CDK14: variants seen among roughly 807,000 people sequenced by gnomAD.
The protein encoded by CDK14 is cyclin-dependent kinase 14.
Under a neutral mutation model 60.7 loss-of-function variants are expected in CDK14, and 34 were observed. That is an observed-to-expected ratio of 0.56 (90% confidence interval 0.43 to 0.75). The LOEUF is 0.75. Ranked by LOEUF, CDK14 falls within the 30% of genes least tolerant of loss-of-function variation. CDK14 has a pLI of 0.00. For missense variants in CDK14, 482 were observed against 564.1 expected, an observed-to-expected ratio of 0.85 and a Z score of 1.47; for synonymous variants, 197 against 203.7, an observed-to-expected ratio of 0.97 and a Z score of 0.28.
intron 2 of CDK14, among the ~76,000 whole-genome samples, chr7:90,614,756 GTTTTA>G (rs1462342603): frequency 6.6e-6 from 1 of 151,880 alleles, no homozygotes; most frequent in Non-Finnish European, 1.5e-5. Context: ...CTGTCTTTTA[GTTTTA>G]TTTTATTAAC....
chr7:90,873,667 T>TA (rs1285089788), intron 6 of CDK14, among the ~76,000 whole-genome samples: 5 of 152,194 alleles, frequency 3.3e-5, no homozygotes, highest in Admixed American at 6.5e-5. Flanking sequence ...CCAGGTTTCT[T>TA]ATGAAAAAAC....
At chr7:90,729,035 GA>G (rs999685864) in intron 3 of CDK14, among the ~76,000 whole-genome samples, 11 of 150,474 alleles carry the variant, frequency 7.3e-5, no homozygotes, top group African/African-American at 2.5e-4. Flanking sequence ...ACTTTCTCAT[GA>G]TTTTTTTTTT....
At chr7:91,003,535 T>C (rs1795898471) in intron 10 of CDK14, among the ~76,000 whole-genome samples, 1 of 152,226 alleles carries the variant, frequency 6.6e-6, no homozygotes, top group South Asian at 2.1e-4. Flanking sequence ...CTGTGCTGCA[T>C]GAAGTCCTTC....
At chr7:90,708,628 G>T (rs545203944) in intron 2 of CDK14, among the ~76,000 whole-genome samples, 2 of 152,250 alleles carry the variant, frequency 1.3e-5, no homozygotes, top group South Asian at 4.1e-4. Context: ...AAGAAGAGAT[G>T]ATTCATTTAA....
chr7:90,819,657 G>A (rs1789474492), intron 5 of CDK14, among the ~76,000 whole-genome samples: 1 of 152,092 alleles, frequency 6.6e-6, no homozygotes, highest in South Asian at 2.1e-4. Context: ...ATATATTAAT[G>A]TAGAAAACCA....
Position 90,816,086 on chromosome 7 carries a change from A to T in CDK14, c.544+25434A>T, listed in dbSNP as rs566131836. ...GTATCCCAGAACTTAAAATTTTTTT[A>T]AAAAAAGGGCCATAGTGGTTTCTGA... On this transcript the variant is annotated intron_variant, in intron 5 of 14. Coordinates refer to ENST00000380050, the MANE Select transcript of CDK14 (RefSeq NM_001287135.2). 3.7e-3 allele frequency among the ~76,000 whole-genome samples: 556 copies of T among 152,216 alleles called. 4 individuals are homozygous for T. Among genetic ancestry groups the T allele is most frequent in the African/African-American group, 0.012 (515 of 41,536 alleles).
chr7:90,870,857 G>T (rs768198796), intron 6 of CDK14, among the ~76,000 whole-genome samples: 2 of 152,126 alleles, frequency 1.3e-5, no homozygotes, highest in Non-Finnish European at 2.9e-5. Context: ...AGACATTAGG[G>T]TCTAATGATC....
At chr7:90,631,324 T>G (rs1799992724) in intron 2 of CDK14, among the ~76,000 whole-genome samples, 1 of 152,198 alleles carries the variant, frequency 6.6e-6, no homozygotes, top group Non-Finnish European at 1.5e-5. Flanking sequence ...ACTGTCCACC[T>G]GAGACCCACC....
chr7:90,648,435 TC>T (rs1239792304), intron 2 of CDK14, among the ~76,000 whole-genome samples: 2 of 152,262 alleles, frequency 1.3e-5, no homozygotes, highest in Non-Finnish European at 2.9e-5. Flanking sequence ...TTCTGTAATA[TC>T]CTATTGCAGG....
At chr7:90,876,788 C>T (rs17397469) in intron 6 of CDK14, among the ~76,000 whole-genome samples, 17,501 of 152,160 alleles carry the variant, frequency 0.12, 1,247 homozygotes, top group Non-Finnish European at 0.17. Flanking sequence ...TTAAAGCGTG[C>T]CATTATGTAA....
At chr7:91,120,078 A>C (rs1021661174) in intron 14 of CDK14, among the ~76,000 whole-genome samples, 1 of 152,170 alleles carries the variant, frequency 6.6e-6, no homozygotes, top group Non-Finnish European at 1.5e-5. Context: ...AAATCCCTTC[A>C]CCAATTCAGT....
intron 14 of CDK14, among the ~76,000 whole-genome samples, chr7:91,132,008 G>C (rs555037924): frequency 6.6e-6 from 1 of 152,002 alleles, no homozygotes; most frequent in South Asian, 2.1e-4. Flanking sequence ...TTTGTTGGTT[G>C]GTTGGTTGGT....
chr7:90,999,997 T>C (rs1795797271), intron 10 of CDK14, among the ~76,000 whole-genome samples: 1 of 152,258 alleles, frequency 6.6e-6, no homozygotes. Context: ...TTTCGTCTTC[T>C]CTAGAGATGT....
At chr7:90,773,940 G>C (rs1300145885) in intron 4 of CDK14, among the ~76,000 whole-genome samples, 37 of 112,810 alleles carry the variant, frequency 3.3e-4, no homozygotes, top group African/African-American at 1.2e-3. Context: ...GTCTTGCTCT[G>C]TTGCCCAGGT....
Position 91,192,802 on chromosome 7 carries a change from G to A in CDK14, c.*29-14363G>A, listed in dbSNP as rs553223659. On this transcript the variant is annotated intron_variant, in intron 14 of 14. Coordinates refer to ENST00000380050, the MANE Select transcript of CDK14 (RefSeq NM_001287135.2). ...TAATAGAGAAGAAAAAGAATGGAAA[G>A]TGAGGGATTGTATTTAGGAAAGAAA... Among the ~76,000 whole-genome samples, 236 of 152,250 alleles carry A rather than the reference G, an allele frequency of 1.6e-3. 1 individual carries two copies. Among genetic ancestry groups the A allele is most frequent in the African/African-American group, 5.5e-3 (227 of 41,556 alleles).
chr7:90,835,658 C>T (rs1490076094), intron 5 of CDK14, among the ~76,000 whole-genome samples: 3 of 152,176 alleles, frequency 2.0e-5, no homozygotes, highest in Admixed American at 6.5e-5. Context: ...TCCTCTCTCA[C>T]TTCCTTCCAA....
chr7:90,730,183 A>G (rs1802806685), intron 3 of CDK14, among the ~76,000 whole-genome samples: 1 of 152,056 alleles, frequency 6.6e-6, no homozygotes, highest in Admixed American at 6.5e-5. Flanking sequence ...GAGGACATGA[A>G]CTCATCCTTT....
chr7:90,673,168 C>T (rs1801131256), intron 2 of CDK14, among the ~76,000 whole-genome samples: 1 of 152,154 alleles, frequency 6.6e-6, no homozygotes, highest in Non-Finnish European at 1.5e-5. Context: ...AATAGCTTTC[C>T]ATGCCTAAGG....
intron 5 of CDK14, among the ~76,000 whole-genome samples, chr7:90,827,688 A>G (rs1163861840): frequency 6.6e-6 from 1 of 152,206 alleles, no homozygotes. Context: ...ATTTCAGAAT[A>G]ATCTAGAGGA....
Sources: gnomAD v4.1 joint callset for allele counts (sites outside exome capture counted in the v4.1 genomes callset) on GRCh38, gnomAD v4.1.1 for gene constraint, MANE v1.5 for transcripts, NCBI Gene and HGNC (gene_info 2026-07-23, HGNC 2026-07-21) for gene names.